The following DNM2 variants were observed in gnomAD, a reference collection of about 807,000 sequenced individuals.
The protein encoded by DNM2 is dynamin-2.
DNM2 carries 15 observed loss-of-function variants against 99.0 expected under a neutral mutation model. That is an observed-to-expected ratio of 0.15 (90% CI 0.10 to 0.23). The LOEUF is 0.23. Ranked by LOEUF, DNM2 falls within the 10% of genes least tolerant of loss-of-function variation. DNM2 has a pLI of 1.00. For synonymous variants in DNM2, 525 were observed against 481.2 expected, an observed-to-expected ratio of 1.09 and a Z score of -1.19; for missense variants, 742 against 1,189.4, an observed-to-expected ratio of 0.62 and a Z score of 5.53.
At chr19:10,800,325 G>A (rs1047431880) in intron 11 of DNM2, among the ~76,000 whole-genome samples, 2 of 152,176 alleles carry the variant, frequency 1.3e-5, no homozygotes, top group African/African-American at 2.4e-5. Context: ...GCAGGGAGGC[G>A]CCCAGTTTTG....
intron 1 of DNM2, among the ~76,000 whole-genome samples, chr19:10,742,032 T>A (rs79011483): frequency 0.027 from 4,056 of 152,146 alleles, 77 homozygotes; most frequent in Non-Finnish European, 0.044. Context: ...TTGTTTTTGC[T>A]TGATTGCAGC....
chr19:10,792,355 A>C (rs1440386932), intron 7 of DNM2, among the ~76,000 whole-genome samples: 1 of 152,154 alleles, frequency 6.6e-6, no homozygotes, highest in Non-Finnish European at 1.5e-5. Context: ...CAGGTACTTC[A>C]GTAGATCATG....
rs547776117 is a variant in DNM2, at chr19:10,762,246, C to A, written c.235+2435C>A. ...AGAGACAGAGCTTCACCATGTTGGC[C>A]AGGCTGGTCTGGAACTCCTGAGCTC... On this transcript the variant is annotated intron_variant, in intron 2 of 20. Coordinates refer to ENST00000389253, the MANE Select transcript of DNM2 (RefSeq NM_001005361.3). Among the ~76,000 whole-genome samples, 175 of 152,226 alleles carry A rather than the reference C, an allele frequency of 1.1e-3. 7 individuals are homozygous for A. The South Asian group carries it at 0.035, about 31-fold the overall frequency.
intron 1 of DNM2, among the ~76,000 whole-genome samples, chr19:10,721,799 G>A (rs2068949593): frequency 6.6e-6 from 1 of 152,236 alleles, no homozygotes; most frequent in Non-Finnish European, 1.5e-5. Context: ...TGGGGGCCAA[G>A]GCCTGCCTGC....
At chr19:10,733,435 T>A (rs1440600570) in intron 1 of DNM2, among the ~76,000 whole-genome samples, 1 of 148,300 alleles carries the variant, frequency 6.7e-6, no homozygotes, top group Admixed American at 6.7e-5. Context: ...TCAGGTAATC[T>A]GCCTGCCTCA....
At chr19:10,799,716 TAGAG>T (rs1352655906) in intron 11 of DNM2, among the ~76,000 whole-genome samples, 1 of 152,002 alleles carries the variant, frequency 6.6e-6, no homozygotes, top group Non-Finnish European at 1.5e-5. Flanking sequence ...GTATTTTTAG[TAGAG>T]AGAGATTTTC....
rs1359573503 is a variant in DNM2, at chr19:10,779,495, TTTCTTTC to T, written c.688+2282_688+2288del. On this transcript the variant is annotated intron_variant, in intron 5 of 20. Transcript: ENST00000389253. ...GTTTTTTTCTTTCTTTCTTTCTTTC[TTTCTTTC>T]TTTTTTTTTTTTTTTTTTTTTTTTT... Among the ~76,000 whole-genome samples, 188 of 115,466 alleles carry T rather than the reference TTTCTTTC, an allele frequency of 1.6e-3. 1 individual carries two copies. Among genetic ancestry groups the T allele is most frequent in the African/African-American group, 5.9e-3 (167 of 28,452 alleles). 75.8% of individuals were successfully genotyped at this position (115,466 alleles called of 152,430 possible). A position where few individuals can be genotyped will look rare whatever the true frequency, so the allele number is the denominator to read the frequency against.
intron 19 of DNM2, among the ~76,000 whole-genome samples, chr19:10,829,575 G>GGA (rs2043477936): frequency 6.6e-6 from 1 of 152,208 alleles, no homozygotes; most frequent in South Asian, 2.1e-4. Context: ...AGCAGCCACA[G>GGA]GAGAGAGATG....
chr19:10,797,209 C>G (rs141690294), intron 9 of DNM2, among the ~76,000 whole-genome samples, 171 bp from the exon 10 acceptor site: 2 of 152,044 alleles, frequency 1.3e-5, no homozygotes, highest in African/African-American at 4.8e-5. Flanking sequence ...AAACCCCAGA[C>G]CTCTTTGATC....
At chr19:10,776,033 G>A in intron 4 of DNM2, 127 bp downstream of exon 4, 1 of 1,205,920 alleles carries the variant, frequency 8.3e-7, no homozygotes, top group East Asian at 2.5e-5. Flanking sequence ...AGGCCTCCTG[G>A]AACATGGCAC....
In DNM2 at chr19:10,795,366, T is replaced by C. The variant is rs1190685421; in HGVS notation, c.1129-6T>C. 1 of 1,614,032 alleles carries C rather than the reference T, an allele frequency of 6.2e-7. No individual in the cohort carries two copies. The highest frequency in any genetic ancestry group is 1.7e-5 in the Admixed American group (1 of 60,004). On this transcript the variant is annotated splice_polypyrimidine_tract_variant and splice_region_variant and intron_variant, in intron 8 of 20. Coordinates refer to ENST00000389253, the MANE Select transcript of DNM2 (RefSeq NM_001005361.3). This position sits in a 1 kb window ranked among gnomAD's most constrained non-coding sequence, Gnocchi z 4.2. ...CCATGCATGTGCTTGGTTTGTCTCT[T>C]CTCAGATGGAGTTTGACGAGAAGGA...
intron 17 of DNM2, chr19:10,824,556 A>T (rs1005860587): frequency 7.8e-5 from 16 of 205,654 alleles, no homozygotes; most frequent in Admixed American, 5.3e-5. Flanking sequence ...CTGCAATCCC[A>T]ACACTTTGGG....
At chr19:10,757,183 G>A (rs987547122) in intron 1 of DNM2, among the ~76,000 whole-genome samples, 2 of 152,094 alleles carry the variant, frequency 1.3e-5, no homozygotes, top group Admixed American at 6.6e-5. Flanking sequence ...GGGGGTCTTC[G>A]TAGCCCTGTT....
Position 10,830,879 on chromosome 19 carries a change from G to GGT in DNM2, c.2544-93_2544-92dup. 7.1e-7 allele frequency: 1 copy of GGT among 1,401,494 alleles called. No homozygotes were observed. The allele number at this position is 1,401,494 out of a possible 1,614,324, so 86.8% of individuals were successfully genotyped here. ...GGTCAGCCTGGGAACACCCTGGGGT[G>GGT]GTGTGTGGGTGGGGGCTGGGTCCTC... On this transcript the variant is annotated intron_variant, in intron 20 of 20. Coordinates refer to ENST00000389253, the MANE Select transcript of DNM2 (RefSeq NM_001005361.3). The surrounding 1 kb of genome is among the most constrained non-coding windows in gnomAD (Gnocchi z 4.8).
In DNM2 at chr19:10,825,054, C is replaced by T; in HGVS notation, c.1894-3C>T. ...CCCTCAGCACCTCCCCTCCCGCTTGCAGGCAGAAAACGAGGATGGGGCCCA... is the reference window on the plus strand; with the variant it reads ...CCCTCAGCACCTCCCCTCCCGCTTGTAGGCAGAAAACGAGGATGGGGCCCA... On this transcript the variant is annotated splice_region_variant and splice_polypyrimidine_tract_variant and intron_variant, in intron 17 of 20. Transcript: ENST00000389253. The T allele has an allele frequency of 1.2e-6, 2 of 1,614,138 alleles. No homozygotes were observed. Among genetic ancestry groups the T allele is most frequent in the Non-Finnish European group, 1.7e-6 (2 of 1,180,004 alleles).
intron 2 of DNM2, among the ~76,000 whole-genome samples, chr19:10,769,041 C>A (rs889023167): frequency 6.6e-6 from 1 of 152,100 alleles, no homozygotes; most frequent in Non-Finnish European, 1.5e-5. Flanking sequence ...TGGGCTCCTG[C>A]CTGTGTGTGC....
chr19:10,795,532 CG>C lies in DNM2; in HGVS notation c.1196+94del, dbSNP rs2071901437. On this transcript the variant is annotated intron_variant, in intron 9 of 20. Transcript: ENST00000389253. The surrounding 1 kb of genome is among the most constrained non-coding windows in gnomAD (Gnocchi z 4.2). ...TCACCCACACCTCTGAGTCCCTAAT[CG>C]TTAGGCCTTAAGAGGGCTCTTGGAT... 1 of 1,444,242 alleles carries C rather than the reference CG, an allele frequency of 6.9e-7. No individual in the cohort carries two copies. Among genetic ancestry groups the C allele is most frequent in the African/African-American group, 1.4e-5 (1 of 71,562 alleles). 89.5% of individuals were successfully genotyped at this position (1,444,242 alleles called of 1,614,324 possible). A position where few individuals can be genotyped will look rare whatever the true frequency, so the allele number is the denominator to read the frequency against.
At chr19:10,806,706 T>A (rs2072347044) in intron 13 of DNM2, among the ~76,000 whole-genome samples, 1 of 152,124 alleles carries the variant, frequency 6.6e-6, no homozygotes, top group African/African-American at 2.4e-5. Flanking sequence ...GGCAGGAGGA[T>A]TGCTTGAACC....
rs2071911842 is a variant in DNM2, at chr19:10,795,829, G to A, written c.1196+390G>A. On this transcript the variant is annotated intron_variant, in intron 9 of 20. Coordinates refer to ENST00000389253, the MANE Select transcript of DNM2 (RefSeq NM_001005361.3). The surrounding 1 kb of genome is among the most constrained non-coding windows in gnomAD (Gnocchi z 4.2). ...TCATGGCTTCCTCGTGAGCCTCTTG[G>A]GTCCCCTCCTTATTCTAACAAAGGT... 4 of 648,138 alleles carry A rather than the reference G, an allele frequency of 6.2e-6. No homozygotes were observed. In the East Asian group the frequency reaches 1.1e-4, roughly 18 times the overall value. 40.1% of individuals were successfully genotyped at this position (648,138 alleles called of 1,614,324 possible). A position where few individuals can be genotyped will look rare whatever the true frequency, so the allele number is the denominator to read the frequency against.
Sources: gnomAD v4.1 joint callset for allele counts (sites outside exome capture counted in the v4.1 genomes callset) on GRCh38, gnomAD v4.1.1 for gene constraint, Gnocchi (gnomAD v3.1) non-coding constraint, MANE v1.5 for transcripts, NCBI Gene and HGNC (gene_info 2026-07-23, HGNC 2026-07-21) for gene names.